BTG4: variants seen among roughly 807,000 people sequenced by gnomAD.
BTG4 encodes the protein BTG anti-proliferation factor 4.
Under a neutral mutation model 19.3 loss-of-function variants are expected in BTG4, and 10 were observed. The observed-to-expected ratio is 0.52, with a 90% CI of 0.32 to 0.88. The LOEUF is 0.88. BTG4 is among the 40% of genes least tolerant of loss of function. The pLI is 0.04. For missense variants in BTG4, 238 were observed against 281.9 expected, an observed-to-expected ratio of 0.84 and a Z score of 1.11; for synonymous variants, 91 against 95.7, an observed-to-expected ratio of 0.95 and a Z score of 0.29.
chr11:111,504,093 C>A (rs549929604), intron 1 of BTG4, among the ~76,000 whole-genome samples: 16 of 152,038 alleles, frequency 1.1e-4, no homozygotes, highest in Non-Finnish European at 1.0e-4. Flanking sequence ...AAGTTATATC[C>A]GTAGTCTCAC....
At chr11:111,499,127 G>A (rs557251179) in intron 1 of BTG4, among the ~76,000 whole-genome samples, 2 of 152,264 alleles carry the variant, frequency 1.3e-5, no homozygotes, top group East Asian at 1.9e-4. Flanking sequence ...ATTACCTCAA[G>A]CATCACTTTT....
the BTG4 span, chr11:111,455,721 CT>C: frequency 2.3e-3 from 995 of 428,172 alleles, 12 homozygotes; most frequent in African/African-American, 0.019. Context: ...ACAAAACGTC[CT>C]TTTCCCACCC....
intron 1 of BTG4, among the ~76,000 whole-genome samples, chr11:111,507,621 G>T (rs1866548589): frequency 6.6e-6 from 1 of 152,168 alleles, no homozygotes; most frequent in African/African-American, 2.4e-5. Flanking sequence ...CAATGCAGCA[G>T]ATTCTCTTGA....
intron 1 of BTG4, among the ~76,000 whole-genome samples, chr11:111,509,282 C>T (rs1486670298): frequency 6.6e-6 from 1 of 152,112 alleles, no homozygotes; most frequent in Non-Finnish European, 1.5e-5. Context: ...AGTCTTGCTT[C>T]AACATATAAA....
chr11:111,424,319 A>G, the BTG4 span, among the ~76,000 whole-genome samples: 1 of 152,238 alleles, frequency 6.6e-6, no homozygotes, highest in Non-Finnish European at 1.5e-5. Flanking sequence ...TGGATGACTT[A>G]CAAAATGTTG....
the BTG4 span, among the ~76,000 whole-genome samples, chr11:111,393,916 TG>T: frequency 2.0e-5 from 3 of 152,356 alleles, no homozygotes; most frequent in East Asian, 5.8e-4. Context: ...CAAATAGATC[TG>T]GGTTCAAATC....
At chr11:111,483,112 C>T (rs1158069868) in intron 5 of BTG4, among the ~76,000 whole-genome samples, 1 of 152,088 alleles carries the variant, frequency 6.6e-6, no homozygotes, top group Non-Finnish European at 1.5e-5. Context: ...TAACCCAGCC[C>T]ACCAAGGCAG....
chr11:111,423,506 T>C, the BTG4 span, among the ~76,000 whole-genome samples: 629 of 152,282 alleles, frequency 4.1e-3, 9 homozygotes, highest in East Asian at 0.032. Context: ...ACCATTCAGT[T>C]AAGCATTCCT....
the BTG4 span, among the ~76,000 whole-genome samples, chr11:111,418,650 T>A: frequency 1.3e-5 from 2 of 152,148 alleles, no homozygotes; most frequent in Non-Finnish European, 2.9e-5. Flanking sequence ...ACACTCTATT[T>A]ACTAGCTACT....
At chr11:111,455,187 C>A in the BTG4 span, 1 of 404,710 alleles carries the variant, frequency 2.5e-6, no homozygotes, top group South Asian at 1.8e-5. Flanking sequence ...CCTCCCCAAC[C>A]TGTTCCATCT....
chr11:111,447,100 A>G, the BTG4 span, among the ~76,000 whole-genome samples: 11 of 152,170 alleles, frequency 7.2e-5, no homozygotes, highest in Admixed American at 7.2e-4. Flanking sequence ...CTGGAGCAGG[A>G]CCCTACAACG....
At chr11:111,482,016 G>T (rs1864771174) in intron 5 of BTG4, among the ~76,000 whole-genome samples, 1 of 151,718 alleles carries the variant, frequency 6.6e-6, no homozygotes, top group Admixed American at 6.6e-5. Context: ...TATTGGGAAA[G>T]AAATAAATAA....
the BTG4 span, among the ~76,000 whole-genome samples, chr11:111,431,491 C>T: frequency 6.6e-6 from 1 of 152,210 alleles, no homozygotes; most frequent in African/African-American, 2.4e-5. Flanking sequence ...CATTTTGATT[C>T]CAACCAAGAG....
chr11:111,436,886 T>C, the BTG4 span, among the ~76,000 whole-genome samples: 1 of 152,060 alleles, frequency 6.6e-6, no homozygotes, highest in African/African-American at 2.4e-5. Flanking sequence ...TTGTTGTATT[T>C]CTCCGGCAGA....
downstream of BTG4, chr11:111,463,471 G>A (rs1221313880): frequency 6.6e-6 from 1 of 152,650 alleles, no homozygotes; most frequent in East Asian, 1.9e-4. Context: ...AGGGCTGGAG[G>A]ATCAGAGGCC....
chr11:111,501,321 T>C (rs1866064549), intron 1 of BTG4, among the ~76,000 whole-genome samples: 1 of 152,068 alleles, frequency 6.6e-6, no homozygotes, highest in Non-Finnish European at 1.5e-5. Flanking sequence ...CTATGAGCTA[T>C]GATTGTGTCA....
chr11:111,512,940 G>C (rs1440268733), upstream of BTG4: 1 of 449,926 alleles, frequency 2.2e-6, no homozygotes, highest in South Asian at 1.6e-5. Flanking sequence ...GGTGCCCGGT[G>C]CTCGGTTTGT....
the BTG4 span, among the ~76,000 whole-genome samples, chr11:111,400,257 T>C: frequency 3.2e-4 from 49 of 152,320 alleles, no homozygotes; most frequent in Non-Finnish European, 6.8e-4. Flanking sequence ...TCTACAGTTA[T>C]GTGAATTGAA....
the BTG4 span, chr11:111,398,962 T>C: frequency 2.6e-5 from 4 of 152,240 alleles, no homozygotes; most frequent in African/African-American, 9.6e-5. Context: ...ATTTACATGC[T>C]AGCATAAAAG....
Sources: allele counts gnomAD v4.1 joint callset (sites outside exome capture counted in the v4.1 genomes callset), GRCh38; gene constraint gnomAD v4.1.1; transcripts MANE v1.5; gene names NCBI Gene and HGNC (gene_info 2026-07-23, HGNC 2026-07-21).